NSUN6: variants seen among roughly 807,000 people sequenced by gnomAD.
NSUN6 encodes NOP2/Sun RNA methyltransferase 6, also known as tRNA (cytosine(72)-C(5))-methyltransferase NSUN6.
Under a neutral mutation model 58.0 loss-of-function variants are expected in NSUN6, and 64 were observed. The observed-to-expected ratio is 1.10, with a 90% CI of 0.90 to 1.36. The LOEUF is 1.36. NSUN6 is among the 40% of genes most tolerant of loss of function. The pLI is 0.00. For missense variants in NSUN6, 701 were observed against 550.1 expected (o/e 1.27, Z -2.74); for synonymous variants, 231 against 193.9 (o/e 1.19, Z -1.59).
chr10:18,629,772 CAA>C (rs2058962067), intron 3 of NSUN6, among the ~76,000 whole-genome samples: 1 of 146,040 alleles, frequency 6.8e-6, no homozygotes, highest in African/African-American at 2.5e-5. Flanking sequence ...GAGTGACCTA[CAA>C]AGAGACTTAG....
intron 8 of NSUN6, among the ~76,000 whole-genome samples, chr10:18,582,485 C>G (rs150541595): frequency 6.2e-4 from 95 of 152,142 alleles, no homozygotes; most frequent in African/African-American, 2.1e-3. Flanking sequence ...AACCAAAGAC[C>G]GGAGAAGTTT....
chr10:18,584,896 G>GAAAAAA (rs996410361), intron 8 of NSUN6, among the ~76,000 whole-genome samples: 1 of 112,406 alleles, frequency 8.9e-6, no homozygotes, highest in Non-Finnish European at 1.9e-5. Flanking sequence ...AGTACAGAAA[G>GAAAAAA]AAAAAAAAAA....
At chr10:18,642,694 T>C in intron 2 of NSUN6, 139 bp from the exon 3 acceptor site, 1 of 497,940 alleles carries the variant, frequency 2.0e-6, no homozygotes, top group East Asian at 3.1e-5. Context: ...CACGGGATAC[T>C]GTAAAAATCC....
intron 7 of NSUN6, among the ~76,000 whole-genome samples, chr10:18,589,952 T>C (rs10828965): frequency 0.35 from 53,108 of 152,008 alleles, 9,870 homozygotes; most frequent in East Asian, 0.74. Context: ...AATTAAAAGA[T>C]ACAGACTAGT....
At chr10:18,576,988 G>A (rs1242522605) in intron 8 of NSUN6, among the ~76,000 whole-genome samples, 1 of 152,208 alleles carries the variant, frequency 6.6e-6, no homozygotes, top group Non-Finnish European at 1.5e-5. Context: ...GGGAATACCA[G>A]ATCAATTTAA....
upstream of NSUN6, among the ~76,000 whole-genome samples, chr10:18,657,176 A>G (rs1282644819): frequency 1.3e-5 from 2 of 152,166 alleles, no homozygotes; most frequent in Non-Finnish European, 2.9e-5. Flanking sequence ...GTACATCAGC[A>G]TGATATCTGT....
intron 8 of NSUN6, among the ~76,000 whole-genome samples, chr10:18,582,037 C>G (rs2056925898): frequency 6.6e-6 from 1 of 152,082 alleles, no homozygotes; most frequent in Non-Finnish European, 1.5e-5. Flanking sequence ...TGCATTCTTG[C>G]TGAGGCGTTC....
At chr10:18,553,489 G>T (rs1183911674) in intron 8 of NSUN6, among the ~76,000 whole-genome samples, 1 of 151,916 alleles carries the variant, frequency 6.6e-6, no homozygotes, top group Admixed American at 6.6e-5. Context: ...GAATGGAATG[G>T]AATGGAGAAT....
At chr10:18,655,317 A>G (rs2059765349), upstream of NSUN6, 2 of 159,138 alleles carry the variant, frequency 1.3e-5, no homozygotes. Context: ...AGTTCTTGCA[A>G]CCTCAGTCAA....
chr10:18,634,983 T>A (rs2059164777), intron 3 of NSUN6, among the ~76,000 whole-genome samples: 1 of 152,248 alleles, frequency 6.6e-6, no homozygotes, highest in South Asian at 2.1e-4. Context: ...CCTTCCCTAA[T>A]GATAAATAAG....
chr10:18,560,168 A>ATGGAATGGAGAATGAAC (rs2130861295), intron 8 of NSUN6, among the ~76,000 whole-genome samples: 1 of 151,652 alleles, frequency 6.6e-6, no homozygotes, highest in South Asian at 2.1e-4. Flanking sequence ...GGGGAATGGA[A>ATGGAATGGAGAATGAAC]TGGAATGGAG....
intron 1 of NSUN6, among the ~76,000 whole-genome samples, chr10:18,649,020 A>G (rs965451628): frequency 1.3e-5 from 2 of 152,212 alleles, no homozygotes; most frequent in African/African-American, 4.8e-5. Flanking sequence ...CATTATATCC[A>G]AGTTAGTTGG....
intron 8 of NSUN6, among the ~76,000 whole-genome samples, chr10:18,577,282 T>A (rs959916457): frequency 5.9e-5 from 9 of 152,192 alleles, no homozygotes; most frequent in African/African-American, 2.2e-4. Flanking sequence ...GATGGAAATA[T>A]AACAAAGGCA....
chr10:18,624,883 C>A (rs1238289724), intron 3 of NSUN6, among the ~76,000 whole-genome samples: 1 of 152,130 alleles, frequency 6.6e-6, no homozygotes, highest in Non-Finnish European at 1.5e-5. Flanking sequence ...TTCCTAAACT[C>A]TGTACAAGCA....
At chr10:18,563,605 ATTGCT>A (rs1472698628) in intron 8 of NSUN6, among the ~76,000 whole-genome samples, 1 of 150,712 alleles carries the variant, frequency 6.6e-6, no homozygotes, top group African/African-American at 2.4e-5. Flanking sequence ...ATTCCATTCC[ATTGCT>A]TTTTCTATTC....
chr10:18,546,513 G>A (rs1466768195), intron 10 of NSUN6, among the ~76,000 whole-genome samples: 1 of 152,128 alleles, frequency 6.6e-6, no homozygotes, highest in Non-Finnish European at 1.5e-5. Flanking sequence ...TATTAAACAA[G>A]GCTTAAGTAA....
intron 3 of NSUN6, among the ~76,000 whole-genome samples, chr10:18,640,655 T>C (rs1298435780): frequency 1.3e-5 from 2 of 152,158 alleles, no homozygotes; most frequent in Admixed American, 6.5e-5. Flanking sequence ...GGAAATGCTC[T>C]ATCTTGACTG....
chr10:18,659,216 T>G, upstream of NSUN6: 2 of 172,798 alleles, frequency 1.2e-5, no homozygotes, highest in East Asian at 1.7e-4. Flanking sequence ...CCGCTGGCCG[T>G]TTGGGACTCT....
chr10:18,606,026 A>G (rs1018190052), intron 6 of NSUN6, among the ~76,000 whole-genome samples: 1 of 152,244 alleles, frequency 6.6e-6, no homozygotes, highest in Non-Finnish European at 1.5e-5. Flanking sequence ...GGGGAAAAAA[A>G]GAAATTACAC....
Sources: allele counts gnomAD v4.1 joint callset (sites outside exome capture counted in the v4.1 genomes callset), GRCh38; gene constraint gnomAD v4.1.1; transcripts MANE v1.5; gene names NCBI Gene and HGNC (gene_info 2026-07-23, HGNC 2026-07-21).